GABRB1: variants seen among roughly 807,000 people sequenced by gnomAD.
GABRB1 encodes the protein gamma-aminobutyric acid receptor subunit beta-1.
GABRB1 carries 17 observed loss-of-function variants against 51.6 expected under a neutral mutation model. That is an observed-to-expected ratio of 0.33 (90% CI 0.23 to 0.49). The LOEUF (loss-of-function observed/expected upper bound fraction) is 0.49, where lower values mean the gene tolerates loss of function less well. GABRB1 is among the 20% of genes least tolerant of loss of function. GABRB1 has a pLI of 0.99. For missense variants in GABRB1, 410 were observed against 600.6 expected (o/e 0.68, Z 3.32); for synonymous variants, 247 against 218.9 (o/e 1.13, Z -1.14).
At chr4:47,299,218 C>T (rs928997570) in intron 4 of GABRB1, among the ~76,000 whole-genome samples, 1 of 152,250 alleles carries the variant, frequency 6.6e-6, no homozygotes, top group African/African-American at 2.4e-5. Flanking sequence ...GCAATGGCAG[C>T]AAAAGACAAA....
chr4:47,018,485 T>A (rs1250557526), intron 1 of GABRB1, among the ~76,000 whole-genome samples: 2 of 152,166 alleles, frequency 1.3e-5, no homozygotes, highest in Admixed American at 6.5e-5. Flanking sequence ...TTTTAAAATA[T>A]GTAGTTGACC....
Position 47,008,259 on chromosome 4 carries a change from C to A in GABRB1, c.-20+14333C>A, listed in dbSNP as rs187601819. Among the ~76,000 whole-genome samples, 42 of 151,962 alleles carry A rather than the reference C, an allele frequency of 2.8e-4. 1 individual carries two copies. Among genetic ancestry groups the A allele is most frequent in the Non-Finnish European group, 5.3e-4 (36 of 67,958 alleles). ...CTAGAGATGATCATTGTGGGACAACCAAAAGTGCCCTATAGTCACTTAGAA... is the reference window on the plus strand; with the variant it reads ...CTAGAGATGATCATTGTGGGACAACAAAAAGTGCCCTATAGTCACTTAGAA... On this transcript the variant is annotated intron_variant, in intron 1 of 3. Transcript: ENST00000513567.
intron 4 of GABRB1, among the ~76,000 whole-genome samples, chr4:47,314,259 G>A (rs1724805506): frequency 1.3e-5 from 2 of 151,916 alleles, no homozygotes; most frequent in South Asian, 2.1e-4. Flanking sequence ...ATAATGGCTA[G>A]CAACAGTAAA....
chr4:47,424,766 G>T (rs952348473), intron 8 of GABRB1, among the ~76,000 whole-genome samples: 10 of 152,140 alleles, frequency 6.6e-5, no homozygotes, highest in Non-Finnish European at 1.3e-4. Context: ...AAGTATATCA[G>T]CTTGAAGTTA....
chr4:47,410,747 A>T (rs1286262488), intron 8 of GABRB1, among the ~76,000 whole-genome samples: 2 of 152,242 alleles, frequency 1.3e-5, no homozygotes, highest in Admixed American at 1.3e-4. Context: ...TGTCCACTAT[A>T]TAAAAGTCAG....
intron 4 of GABRB1, among the ~76,000 whole-genome samples, chr4:47,244,238 T>A (rs1227665171): frequency 6.6e-6 from 1 of 152,226 alleles, no homozygotes; most frequent in African/African-American, 2.4e-5. Flanking sequence ...GAAGCCAACT[T>A]GATCGTGGTG....
At chr4:47,106,960 G>A (rs1010753033) in intron 3 of GABRB1, among the ~76,000 whole-genome samples, 5 of 152,056 alleles carry the variant, frequency 3.3e-5, no homozygotes, top group African/African-American at 1.2e-4. Context: ...TCTCACCATG[G>A]TGATTGGGTG....
intron 5 of GABRB1, among the ~76,000 whole-genome samples, chr4:47,384,800 G>A (rs1022265583): frequency 1.2e-4 from 18 of 152,230 alleles, no homozygotes; most frequent in Admixed American, 1.0e-3. Context: ...GACACACTAA[G>A]TGCCTGTCAA....
chr4:47,353,584 C>T (rs1225709427), intron 5 of GABRB1, among the ~76,000 whole-genome samples: 1 of 152,134 alleles, frequency 6.6e-6, no homozygotes, highest in Non-Finnish European at 1.5e-5. Context: ...ATTACTCTTC[C>T]TTTCTTAATA....
chr4:47,392,335 C>T (rs995364016), intron 5 of GABRB1, among the ~76,000 whole-genome samples: 1 of 147,786 alleles, frequency 6.8e-6, no homozygotes, highest in Non-Finnish European at 1.5e-5. Context: ...TTCTCCCTTC[C>T]ACCTTTTTTT....
intron 4 of GABRB1, among the ~76,000 whole-genome samples, chr4:47,277,792 A>G (rs1407821309): frequency 6.6e-6 from 1 of 152,104 alleles, no homozygotes; most frequent in Non-Finnish European, 1.5e-5. Context: ...CTTCAAAATT[A>G]TGATAGATAT....
At chr4:47,411,433 A>T (rs1020945946) in intron 8 of GABRB1, among the ~76,000 whole-genome samples, 1 of 152,276 alleles carries the variant, frequency 6.6e-6, no homozygotes, top group East Asian at 1.9e-4. Context: ...TTGATATAAT[A>T]CTCTTGAAAT....
At chr4:47,237,318 G>A (rs151068617) in intron 4 of GABRB1, among the ~76,000 whole-genome samples, 3 of 151,948 alleles carry the variant, frequency 2.0e-5, no homozygotes, top group African/African-American at 7.2e-5. Flanking sequence ...TTGCACCAGG[G>A]ACTATACAAG....
intron 3 of GABRB1, among the ~76,000 whole-genome samples, chr4:47,127,000 G>C (rs1716175054): frequency 6.6e-6 from 1 of 151,752 alleles, no homozygotes; most frequent in Admixed American, 6.6e-5. Context: ...TTCTATGTAG[G>C]TGGTTAGCCT....
At chr4:47,191,237 G>A (rs1719430489) in intron 4 of GABRB1, among the ~76,000 whole-genome samples, 1 of 152,160 alleles carries the variant, frequency 6.6e-6, no homozygotes, top group Non-Finnish European at 1.5e-5. Flanking sequence ...ATTGCAACAT[G>A]TGTAACTCCT....
intron 3 of GABRB1, among the ~76,000 whole-genome samples, chr4:47,139,002 A>T (rs1386538176): frequency 6.6e-6 from 1 of 152,066 alleles, no homozygotes; most frequent in Non-Finnish European, 1.5e-5. Flanking sequence ...TAATAATTGA[A>T]AAAACAGCCT....
At chr4:47,024,354 T>C (rs927520064) in intron 1 of GABRB1, among the ~76,000 whole-genome samples, 6 of 151,992 alleles carry the variant, frequency 3.9e-5, no homozygotes, top group Admixed American at 3.9e-4. Context: ...AGAAGTATTT[T>C]ATTTCTTAAG....
At chr4:47,142,433 C>T (rs946149323) in intron 3 of GABRB1, among the ~76,000 whole-genome samples, 3 of 151,758 alleles carry the variant, frequency 2.0e-5, no homozygotes, top group African/African-American at 7.3e-5. Flanking sequence ...AGGGATGTGG[C>T]TAGGCATATA....
intron 4 of GABRB1, among the ~76,000 whole-genome samples, chr4:47,255,538 G>A (rs563632437): frequency 2.0e-5 from 3 of 152,272 alleles, no homozygotes; most frequent in African/African-American, 7.2e-5. Flanking sequence ...GAATAAGTAA[G>A]GAAGTCAATA....
Sources: gnomAD v4.1 joint callset for allele counts (sites outside exome capture counted in the v4.1 genomes callset) on GRCh38, gnomAD v4.1.1 for gene constraint, MANE v1.5 for transcripts, NCBI Gene and HGNC (gene_info 2026-07-23, HGNC 2026-07-21) for gene names.